Variants in C3orf20 observed in about 807,000 individuals in gnomAD.
The protein encoded by C3orf20 is uncharacterized protein C3orf20.
Under a neutral mutation model 88.3 loss-of-function variants are expected in C3orf20, and 76 were observed. That is an observed-to-expected ratio of 0.86 (90% CI 0.72 to 1.04). C3orf20 has a LOEUF of 1.04. C3orf20 is among the 50% of genes least tolerant of loss of function. C3orf20 has a pLI of 0.00. For synonymous variants in C3orf20, 436 were observed against 437.4 expected, an observed-to-expected ratio of 1.00 and a Z score of 0.04; for missense variants, 1,056 against 1,123.3, an observed-to-expected ratio of 0.94 and a Z score of 0.86.
At chr3:14,756,741 G>A (rs1451294465) in intron 12 of C3orf20, among the ~76,000 whole-genome samples, 1 of 152,240 alleles carries the variant, frequency 6.6e-6, no homozygotes, top group Non-Finnish European at 1.5e-5. Flanking sequence ...ATGCTGGAGA[G>A]TAAGAGATGT....
At chr3:14,700,823 G>T (rs1472092618) in intron 5 of C3orf20, among the ~76,000 whole-genome samples, 1 of 152,190 alleles carries the variant, frequency 6.6e-6, no homozygotes, top group African/African-American at 2.4e-5. Context: ...TAGCCATTCT[G>T]GTTTGAAGTC....
At chr3:14,714,211 G>A (rs764040737) in intron 8 of C3orf20, 52 bp downstream of exon 8, 1 of 1,593,954 alleles carries the variant, frequency 6.3e-7, no homozygotes, top group Admixed American at 1.7e-5. Context: ...TGAGGGTGAT[G>A]GAGGGAGGAC....
intron 5 of C3orf20, among the ~76,000 whole-genome samples, chr3:14,690,985 T>C (rs539950209): frequency 6.6e-6 from 1 of 152,332 alleles, no homozygotes; most frequent in African/African-American, 2.4e-5. Flanking sequence ...ACCTCCATGT[T>C]GGTAAAAGGG....
At chr3:14,757,232 G>A in intron 12 of C3orf20, 139 bp from the exon 13 acceptor site, 1 of 685,852 alleles carries the variant, frequency 1.5e-6, no homozygotes, top group East Asian at 2.7e-5. Flanking sequence ...GTTCAAGGTG[G>A]TGCAGCACAT....
intron 1 of C3orf20, among the ~76,000 whole-genome samples, chr3:14,681,910 T>C (rs2032112888): frequency 6.6e-6 from 1 of 152,230 alleles, no homozygotes; most frequent in African/African-American, 2.4e-5. Flanking sequence ...TGTAGAAATA[T>C]GTCAGGGTAA....
At chr3:14,684,438 T>G in intron 4 of C3orf20, 56 bp downstream of exon 4, 1 of 1,580,780 alleles carries the variant, frequency 6.3e-7, no homozygotes, top group Non-Finnish European at 8.6e-7. Context: ...TCAGCAGGAA[T>G]GCAATGGAAA....
In C3orf20 at chr3:14,768,324, G is replaced by A. The variant is rs73814002; in HGVS notation, c.2496-3743G>A. On this transcript the variant is annotated intron_variant, in intron 15 of 16. Coordinates refer to ENST00000253697, the MANE Select transcript of C3orf20 (RefSeq NM_032137.5). The surrounding 1 kb of genome is among the most constrained non-coding windows in gnomAD (Gnocchi z 4.1). The stretch of plus-strand genomic sequence containing the variant: ...CGTGCTCAGCAAGGAGCCAGCCACC[G>A]CCAGGCCCTCCCTCTATGATGCTGC... Among the ~76,000 whole-genome samples, 56 of 152,064 alleles carry A rather than the reference G, an allele frequency of 3.7e-4. No individual in the cohort carries two copies. Among genetic ancestry groups the A allele is most frequent in the African/African-American group, 1.2e-3 (49 of 41,426 alleles).
At chr3:14,703,317 C>T in intron 6 of C3orf20, 55 bp downstream of exon 6, 1 of 1,608,910 alleles carries the variant, frequency 6.2e-7, no homozygotes. Flanking sequence ...AAAGCCTGGC[C>T]CCCAGCTGGG....
rs112526257 is a variant in C3orf20, at chr3:14,729,349, G to A, written c.1940+661G>A. On this transcript the variant is annotated intron_variant, in intron 12 of 16. Coordinates refer to ENST00000253697, the MANE Select transcript of C3orf20 (RefSeq NM_032137.5). ...ATGTGGGGAAGGAACACCAGGCAGC[G>A]GGCACAGCAAGTCCAAAGGCACTGA... 8.4e-3 allele frequency among the ~76,000 whole-genome samples: 1,276 copies of A among 152,272 alleles called. 10 individuals carry two copies. Among genetic ancestry groups the A allele is most frequent in the Middle Eastern group, 0.037 (11 of 294 alleles).
chr3:14,707,820 CTT>C (rs60474912), intron 7 of C3orf20, among the ~76,000 whole-genome samples: 5 of 122,148 alleles, frequency 4.1e-5, no homozygotes, highest in Non-Finnish European at 1.6e-5. Flanking sequence ...GTGTTTTCCT[CTT>C]TTTTTTTTTT....
chr3:14,749,468 T>C (rs1024070928), intron 12 of C3orf20, among the ~76,000 whole-genome samples: 1 of 152,232 alleles, frequency 6.6e-6, no homozygotes, highest in African/African-American at 2.4e-5. Context: ...TGCTACTGCA[T>C]GCAGCTTTAG....
At chr3:14,679,043 A>G (rs529890608) in intron 1 of C3orf20, among the ~76,000 whole-genome samples, 9 of 152,216 alleles carry the variant, frequency 5.9e-5, no homozygotes, top group East Asian at 3.9e-4. Context: ...CATGCTTCCA[A>G]TGTCACCATC....
chr3:14,688,895 A>G (rs556640985), intron 4 of C3orf20, among the ~76,000 whole-genome samples: 1 of 152,208 alleles, frequency 6.6e-6, no homozygotes, highest in African/African-American at 2.4e-5. Context: ...ACTTTAAATA[A>G]TTGTCATTTT....
rs968587897 is a variant in C3orf20 at position 14,770,940 on chromosome 3, G to T, written c.2496-1127G>T. Reference sequence around the variant, plus strand: ...TGACAATGAATGGCTGCAAAGCTGTGAGGTGTGGCACAGAGGTAAGGAATA... The same window carrying T: ...TGACAATGAATGGCTGCAAAGCTGTTAGGTGTGGCACAGAGGTAAGGAATA... On this transcript the variant is annotated intron_variant, in intron 15 of 16. Coordinates refer to ENST00000253697, the MANE Select transcript of C3orf20 (RefSeq NM_032137.5). 7.9e-5 allele frequency among the ~76,000 whole-genome samples: 12 copies of T among 152,348 alleles called. No individual in the cohort carries two copies. The East Asian group carries it at 2.3e-3, about 29-fold the overall frequency.
chr3:14,726,975 G>A lies in C3orf20; in HGVS notation c.1641G>A (p.Arg547=). ...GAGCCCTGGCTGAGATCAAGAAGCG[G>A]TTTCAGAAGACAGTGACTCAGTTCA... The part of the protein sequence containing the change: ...MSRALAEIKK[R]FQKTVTQFIN... Residue 547 remains arginine (R), a synonymous_variant, in exon 11 of 17, where the codon CGG becomes CGA. Coordinates refer to ENST00000253697, the MANE Select transcript of C3orf20 (RefSeq NM_032137.5). The A allele has an allele frequency of 3.1e-6, 5 of 1,614,172 alleles. No individual in the cohort carries two copies. Among genetic ancestry groups the A allele is most frequent in the South Asian group, 1.1e-5 (1 of 91,080 alleles).
Position 14,701,395 on chromosome 3 carries a change from C to T in C3orf20, c.746-1735C>T, listed in dbSNP as rs370004111. 5.9e-5 allele frequency among the ~76,000 whole-genome samples: 9 copies of T among 152,084 alleles called. No homozygotes were observed. Among genetic ancestry groups the T allele is most frequent in the South Asian group, 2.1e-4 (1 of 4,810 alleles). ...AAGGTGAAGTTAAGCCTGCATACTTCGAGGCTGCAGCTGGGTGGGAGTCAG... is the reference window on the plus strand; with the variant it reads ...AAGGTGAAGTTAAGCCTGCATACTTTGAGGCTGCAGCTGGGTGGGAGTCAG... On this transcript the variant is annotated intron_variant, in intron 5 of 16. Coordinates refer to ENST00000253697, the MANE Select transcript of C3orf20 (RefSeq NM_032137.5). This position sits in a 1 kb window ranked among gnomAD's most constrained non-coding sequence, Gnocchi z 4.6.
chr3:14,754,099 G>C (rs1345385297), intron 12 of C3orf20, among the ~76,000 whole-genome samples: 1 of 152,196 alleles, frequency 6.6e-6, no homozygotes, highest in Admixed American at 6.5e-5. Flanking sequence ...TGGTATGCAT[G>C]TGAGCCTTTC....
intron 11 of C3orf20, among the ~76,000 whole-genome samples, chr3:14,727,660 C>T (rs144009520): frequency 2.6e-5 from 4 of 152,268 alleles, no homozygotes; most frequent in Non-Finnish European, 4.4e-5. Context: ...AGTTTCTTCT[C>T]GTCCCCAGAG....
intron 15 of C3orf20, among the ~76,000 whole-genome samples, chr3:14,769,361 G>A (rs145806857): frequency 3.9e-5 from 6 of 152,118 alleles, no homozygotes; most frequent in South Asian, 2.1e-4. Flanking sequence ...GAACCTGTGA[G>A]CAGGAGGGCT....
Sources: gnomAD v4.1 joint callset for allele counts (sites outside exome capture counted in the v4.1 genomes callset) on GRCh38, gnomAD v4.1.1 for gene constraint, Gnocchi (gnomAD v3.1) non-coding constraint, MANE v1.5 for transcripts, NCBI Gene and HGNC (gene_info 2026-07-23, HGNC 2026-07-21) for gene names.